The following PANK2 variants were observed in gnomAD, a reference collection of about 807,000 sequenced individuals.
PANK2 encodes pantothenate kinase 2, mitochondrial.
In PANK2, 36 loss-of-function variants were observed where a neutral mutation model predicts 43.1. The ratio of observed to expected loss-of-function variants is 0.84; its 90% CI spans 0.64 to 1.10. The LOEUF (loss-of-function observed/expected upper bound fraction) is 1.10, where lower values mean the gene tolerates loss of function less well. Ranked by LOEUF, PANK2 falls within the 50% of genes least tolerant of loss-of-function variation. The pLI, the probability that PANK2 is intolerant of heterozygous loss-of-function variation, is 0.00. For synonymous variants in PANK2, 281 were observed against 238.2 expected, an observed-to-expected ratio of 1.18 and a Z score of -1.66; for missense variants, 576 against 593.3, an observed-to-expected ratio of 0.97 and a Z score of 0.30.
chr20:3,905,876 C>T (rs1307432305), intron 1 of PANK2, among the ~76,000 whole-genome samples: 3 of 151,618 alleles, frequency 2.0e-5, no homozygotes, highest in East Asian at 2.0e-4. Flanking sequence ...CCACCACGCC[C>T]GGCTAATTTT....
In PANK2 at chr20:3,889,563, C is replaced by T. The variant is rs745590703; in HGVS notation, c.133C>T (p.Pro45Ser). The T allele has an allele frequency of 1.9e-5, 27 of 1,440,256 alleles. No individual in the cohort carries two copies. Among genetic ancestry groups the T allele is most frequent in the Non-Finnish European group, 2.4e-5 (27 of 1,107,100 alleles). The allele number at this position is 1,440,256 out of a possible 1,614,324, so 89.2% of individuals were successfully genotyped here. A position where few individuals can be genotyped will look rare whatever the true frequency, so the allele number is the denominator to read the frequency against. Residue 45 changes from proline (P) to serine (S), a missense_variant, in exon 1 of 7, where the codon CCC (proline) becomes TCC (serine). Pro to Ser is a moderately conservative substitution (Grantham distance 74). Transcript: ENST00000610179. ...GGCTGGGGAGCAGGCGGCCGGGGAC[C>T]CCGAAGGGCGGCGGCAGGAGCCACT...
intron 4 of PANK2, 132 bp from the exon 5 acceptor site, chr20:3,916,795 C>T (rs1213411521): frequency 5.2e-6 from 7 of 1,345,490 alleles, no homozygotes; most frequent in Non-Finnish European, 7.3e-6. Context: ...TGCTCCATTG[C>T]AAAATAAAAG....
chr20:3,889,673 C>T lies in PANK2; in HGVS notation c.243C>T (p.Ser81=), dbSNP rs1301339493. The T allele has an allele frequency of 1.3e-6, 2 of 1,591,152 alleles. No individual in the cohort carries two copies. The highest frequency in any genetic ancestry group is 1.3e-5 in the African/African-American group (1 of 74,910). Residue 81 remains serine (S), a synonymous_variant, in exon 1 of 7, where the codon AGC becomes AGT. Transcript: ENST00000610179. ...GGCGGGATCGACTGGGCTCTTACAG[C>T]GGCCCCACCTCGGTCTCCCGCCAGC... is the stretch of plus-strand genomic sequence containing the variant.
In PANK2 at chr20:3,927,068, G is replaced by C. The variant is rs1012214908; in HGVS notation, c.*3774G>C. 2.6e-5 allele frequency: 4 copies of C among 152,476 alleles called. No homozygotes were observed. The highest frequency in any genetic ancestry group is 5.8e-5 in the Non-Finnish European group (4 of 68,394). The allele number at this position is 152,476 out of a possible 1,614,324, so 9.4% of individuals were successfully genotyped here. On this transcript the variant is annotated 3_prime_UTR_variant, in exon 7 of 7. Coordinates refer to ENST00000610179, the MANE Select transcript of PANK2 (RefSeq NM_001386393.1). ...AGGCCAGGGGGCTTCAGACTCCACT[G>C]TACTCTGCATTCCAGGATTCTCTGT...
chr20:3,901,670 T>G (rs1762897030), intron 1 of PANK2: 1 of 887,226 alleles, frequency 1.1e-6, no homozygotes, highest in Non-Finnish European at 1.4e-6. Context: ...GTACTTTTGT[T>G]TATTTCTTAA....
chr20:3,900,351 G>T (rs1299726331), intron 1 of PANK2, among the ~76,000 whole-genome samples: 1 of 151,788 alleles, frequency 6.6e-6, no homozygotes, highest in Non-Finnish European at 1.5e-5. Context: ...TGTGAGCATA[G>T]CTCTTTGCCA....
At chr20:3,923,124 C>T in intron 6 of PANK2, 120 bp from the exon 7 acceptor site, 1 of 1,191,790 alleles carries the variant, frequency 8.4e-7, no homozygotes, top group Non-Finnish European at 1.3e-6. Flanking sequence ...TTCTGGGGTG[C>T]TCAGGAAATG....
chr20:3,914,182 T>TA (rs1318492575), intron 4 of PANK2, among the ~76,000 whole-genome samples: 3 of 152,078 alleles, frequency 2.0e-5, no homozygotes, highest in Non-Finnish European at 4.4e-5. Flanking sequence ...GAGGAACTGC[T>TA]ACACTGTTTT....
chr20:3,914,998 T>C (rs2090535310), intron 4 of PANK2, among the ~76,000 whole-genome samples: 2 of 152,210 alleles, frequency 1.3e-5, no homozygotes, highest in African/African-American at 4.8e-5. Flanking sequence ...TTTAGTTGGA[T>C]TGTCTTTTTA....
chr20:3,891,015 G>A (rs779854752), intron 1 of PANK2, among the ~76,000 whole-genome samples: 1 of 152,172 alleles, frequency 6.6e-6, no homozygotes, highest in Non-Finnish European at 1.5e-5. Context: ...GCAAATAAGA[G>A]TATAGCCATT....
At chr20:3,918,424 G>A (rs1321383773) in intron 5 of PANK2, among the ~76,000 whole-genome samples, 1 of 151,314 alleles carries the variant, frequency 6.6e-6, no homozygotes, top group Non-Finnish European at 1.5e-5. Context: ...AGTTATTGTT[G>A]GTCAGATTTA....
At position 3,923,485 on chromosome 20, in the gene PANK2, A is replaced by T. The variant is rs1279684257; in HGVS notation, c.*191A>T. On this transcript the variant is annotated 3_prime_UTR_variant, in exon 7 of 7. Coordinates refer to ENST00000610179, the MANE Select transcript of PANK2 (RefSeq NM_001386393.1). ...AAATTAGCAACCAGGAAGGAAAAAT[A>T]TATTAAAAACAACAAAAAAGTGGCA... 4 of 644,242 alleles carry T rather than the reference A, an allele frequency of 6.2e-6. No homozygotes were observed. In the Admixed American group the frequency reaches 1.2e-4, roughly 19 times the overall value. The allele number at this position is 644,242 out of a possible 1,614,324, so 39.9% of individuals were successfully genotyped here. A position where few individuals can be genotyped will look rare whatever the true frequency, so the allele number is the denominator to read the frequency against.
At position 3,920,616 on chromosome 20, in the gene PANK2, G is replaced by A. The variant is rs186533102; in HGVS notation, c.1332+1820G>A. ...AATCCCAGCACTTTGGGAGGCCGAG[G>A]TGGGCGGATCATGAGGTCAGGAGTT... On this transcript the variant is annotated intron_variant, in intron 6 of 6. Transcript: ENST00000610179. 2.6e-5 allele frequency among the ~76,000 whole-genome samples: 4 copies of A among 152,242 alleles called. No individual in the cohort carries two copies. The East Asian group carries it at 5.8e-4, about 22-fold the overall frequency.
chr20:3,911,321 A>G (rs186619838), intron 3 of PANK2, among the ~76,000 whole-genome samples: 1 of 152,242 alleles, frequency 6.6e-6, no homozygotes, highest in Non-Finnish European at 1.5e-5. Context: ...GTGGTGGCTC[A>G]TGCCTGTAAT....
chr20:3,901,292 C>T (rs960943324), intron 1 of PANK2, among the ~76,000 whole-genome samples: 5 of 152,164 alleles, frequency 3.3e-5, no homozygotes, highest in Non-Finnish European at 7.3e-5. Flanking sequence ...AAGTGATCCA[C>T]CCACCTTGGC....
chr20:3,920,442 G>C (rs905401077), intron 6 of PANK2, among the ~76,000 whole-genome samples: 6 of 152,196 alleles, frequency 3.9e-5, no homozygotes, highest in Non-Finnish European at 7.3e-5. Context: ...TCTTGAATCT[G>C]GGAGGCGGAG....
Position 3,889,536 on chromosome 20 carries a change from T to G in PANK2, c.106T>G (p.Ser36Ala). The G allele has an allele frequency of 7.0e-7, 1 of 1,422,298 alleles. No homozygotes were observed. Among genetic ancestry groups the G allele is most frequent in the South Asian group, 1.5e-5 (1 of 66,756 alleles). 88.1% of individuals were successfully genotyped at this position (1,422,298 alleles called of 1,614,324 possible). Residue 36 changes from serine to alanine, a missense_variant, in exon 1 of 7, where the codon TCG (serine) becomes GCG (alanine). By Grantham distance (99) the Ser-to-Ala change is moderately conservative (BLOSUM62 1). Coordinates refer to ENST00000610179, the MANE Select transcript of PANK2 (RefSeq NM_001386393.1). ...CAGGGCTTCCGCCACCTCCGTCTCG[T>G]CGGCTGGGGAGCAGGCGGCCGGGGA...
intron 1 of PANK2, among the ~76,000 whole-genome samples, chr20:3,892,442 CTTTT>C (rs2090138040): frequency 6.8e-6 from 1 of 148,090 alleles, no homozygotes; most frequent in African/African-American, 2.4e-5. Context: ...AAGACTAAAT[CTTTT>C]TTATTTATTG....
At chr20:3,907,575 C>T (rs71647833) in intron 1 of PANK2, among the ~76,000 whole-genome samples, 3 of 151,824 alleles carry the variant, frequency 2.0e-5, no homozygotes, top group Middle Eastern at 3.4e-3. Context: ...TTTTTTAAGC[C>T]GATAGGAAAG....
Sources: gnomAD v4.1 joint callset for allele counts (sites outside exome capture counted in the v4.1 genomes callset) on GRCh38, gnomAD v4.1.1 for gene constraint, MANE v1.5 for transcripts, NCBI Gene and HGNC (gene_info 2026-07-23, HGNC 2026-07-21) for gene names.